Variants in RNF157 observed in about 807,000 individuals in gnomAD.
RNF157 encodes E3 ubiquitin ligase RNF157.
In RNF157, 55 loss-of-function variants were observed where a neutral mutation model predicts 88.3. That is an observed-to-expected ratio of 0.62 (90% confidence interval 0.50 to 0.78). RNF157 has a LOEUF of 0.78. RNF157 is among the 30% of genes least tolerant of loss of function. The pLI is 0.00. For missense variants in RNF157, 788 were observed against 860.8 expected (o/e 0.92, Z 1.06); for synonymous variants, 334 against 341.2 (o/e 0.98, Z 0.23).
Position 76,172,989 on chromosome 17 carries a change from T to C in RNF157, c.296+713A>G, listed in dbSNP as rs368723809. On this transcript the variant is annotated intron_variant, in intron 3 of 18. Transcript: ENST00000269391. ...GAGAACAGACACATGATATAGGGAATAAAAAAGAAAAAGAAGGCTGGGCGC... is the reference window on the plus strand; with the variant it reads ...GAGAACAGACACATGATATAGGGAACAAAAAAGAAAAAGAAGGCTGGGCGC... Among the ~76,000 whole-genome samples, 4 of 151,828 alleles carry C rather than the reference T, an allele frequency of 2.6e-5. No homozygotes were observed. The East Asian group carries it at 5.8e-4, about 22-fold the overall frequency.
In RNF157 at chr17:76,149,430, C is replaced by G. The variant is rs531371708; in HGVS notation, c.1921+2925G>C. Among the ~76,000 whole-genome samples the G allele has an allele frequency of 2.6e-5, 4 of 152,096 alleles. No homozygotes were observed. In the South Asian group the frequency reaches 6.2e-4, roughly 24 times the overall value. On this transcript the variant is annotated intron_variant, in intron 18 of 18. Transcript: ENST00000269391. ...GTGCAGCTGTTCTGACGGGAGAGAG[C>G]TGGCCACAGGAGCAATGAGGCGCCA...
intron 2 of RNF157, among the ~76,000 whole-genome samples, chr17:76,204,726 CT>C (rs2069648581): frequency 6.6e-6 from 1 of 151,846 alleles, no homozygotes. Flanking sequence ...TCTATCTGTA[CT>C]AGAGAAAGAA....
chr17:76,185,594 C>T (rs1011876687), intron 2 of RNF157, among the ~76,000 whole-genome samples: 6 of 151,548 alleles, frequency 4.0e-5, no homozygotes, highest in Admixed American at 6.6e-5. Context: ...CTCAGCCTCC[C>T]GAGTAGCTGG....
chr17:76,145,256 C>A lies in RNF157; in HGVS notation c.2019G>T (p.Val673=), dbSNP rs545031323. The change falls in exon 19 of 19, where the codon GTG becomes GTT. Residue 673 remains valine, a synonymous_variant. Coordinates refer to ENST00000269391, the MANE Select transcript of RNF157 (RefSeq NM_052916.3). ...GGGCTCAGACAGCCAAAGGGCCCCACACACAGGGCCTCGTCTCAGAGTCCT... is the reference window on the plus strand; with the variant it reads ...GGGCTCAGACAGCCAAAGGGCCCCAAACACAGGGCCTCGTCTCAGAGTCCT... ...SLEDSETRPC[V]WGPLAV is the part of the protein sequence containing the mutation. 2.8e-4 allele frequency: 447 copies of A among 1,606,206 alleles called. 7 individuals are homozygous for A. The South Asian group carries it at 4.7e-3, about 17-fold the overall frequency.
chr17:76,182,760 C>CATATATATATATATATATATATATAT (rs377581288), intron 2 of RNF157, among the ~76,000 whole-genome samples: 66 of 93,300 alleles, frequency 7.1e-4, no homozygotes, highest in African/African-American at 3.0e-3. Flanking sequence ...GGCCTCGTCT[C>CATATATATATATATATATATATATAT]ATATATATAT....
At chr17:76,169,710 G>C (rs909347121) in intron 3 of RNF157, among the ~76,000 whole-genome samples, 14 of 151,560 alleles carry the variant, frequency 9.2e-5, no homozygotes, top group African/African-American at 3.4e-4. Flanking sequence ...CTCCCAAGTA[G>C]CTGGGATTAT....
chr17:76,219,286 CTACA>C lies in RNF157; in HGVS notation c.89-6808_89-6805del, dbSNP rs929220434. Among the ~76,000 whole-genome samples the C allele has an allele frequency of 7.4e-4, 112 of 151,722 alleles. 1 individual carries two copies. Among genetic ancestry groups the C allele is most frequent in the African/African-American group, 2.5e-3 (103 of 41,470 alleles). ...TTAAAAAAAGAGCAAACAAAACAGA[CTACA>C]TAAAGACTATATAAATTTTTACATA... On this transcript the variant is annotated intron_variant, in intron 1 of 18. Transcript: ENST00000269391.
chr17:76,217,053 T>TCA (rs1348898891), intron 1 of RNF157, among the ~76,000 whole-genome samples: 2 of 152,238 alleles, frequency 1.3e-5, no homozygotes, highest in African/African-American at 4.8e-5. Flanking sequence ...ACCTGTTCAA[T>TCA]CACTCAATAA....
chr17:76,177,856 CCT>C (rs1279745554), intron 2 of RNF157, among the ~76,000 whole-genome samples: 2 of 152,126 alleles, frequency 1.3e-5, no homozygotes, highest in Admixed American at 6.5e-5. Context: ...TCCAGGGCCT[CCT>C]CTCTGCTGAG....
At position 76,158,398 on chromosome 17, in the gene RNF157, C is replaced by G. The variant is rs767608093; in HGVS notation, c.1408G>C (p.Gly470Arg). Residue 470 changes from glycine to arginine, a missense_variant, in exon 13 of 19, where the codon GGA (glycine) becomes CGA (arginine). Coordinates refer to ENST00000269391, the MANE Select transcript of RNF157 (RefSeq NM_052916.3). Reference sequence around the variant, plus strand: ...AGGAGAGGAATGTCAATTACCTCTCCGAGATGCTGAACCGACGGTCTCTGA... The same window carrying G: ...AGGAGAGGAATGTCAATTACCTCTCGGAGATGCTGAACCGACGGTCTCTGA... ...LSQRPSVQHLGEECGVTPESE... is the reference protein window; with the variant it reads ...LSQRPSVQHLREECGVTPESE... 1 of 1,608,832 alleles carries G rather than the reference C, an allele frequency of 6.2e-7. No individual in the cohort carries two copies. The highest frequency in any genetic ancestry group is 1.3e-5 in the African/African-American group (1 of 74,782).
At chr17:76,175,904 G>T in intron 2 of RNF157, 2 of 492,556 alleles carry the variant, frequency 4.1e-6, no homozygotes, top group Non-Finnish European at 5.3e-6. Flanking sequence ...GATAACTGTG[G>T]CAATGAAACA....
At chr17:76,145,763 G>T (rs2068575604) in intron 18 of RNF157, among the ~76,000 whole-genome samples, 1 of 152,228 alleles carries the variant, frequency 6.6e-6, no homozygotes, top group Non-Finnish European at 1.5e-5. Flanking sequence ...GGGGGGAAGT[G>T]AGAAGACTGT....
chr17:76,196,756 C>T (rs2069484433), intron 2 of RNF157, among the ~76,000 whole-genome samples: 1 of 152,094 alleles, frequency 6.6e-6, no homozygotes, highest in South Asian at 2.1e-4. Context: ...CCACCTGATC[C>T]AAGAGTCTTC....
rs753969237 is a variant in RNF157 at position 76,161,024 on chromosome 17, G to A, written c.1065+511C>T. 1.3e-5 allele frequency among the ~76,000 whole-genome samples: 2 copies of A among 152,116 alleles called. No homozygotes were observed. Among genetic ancestry groups the A allele is most frequent in the African/African-American group, 4.8e-5 (2 of 41,414 alleles). ...AAATAATAATCTCTCCCAGCAGTGCGTTAGTCTAAAGAAAGACAGTATCTG... is the reference window on the plus strand; with the variant it reads ...AAATAATAATCTCTCCCAGCAGTGCATTAGTCTAAAGAAAGACAGTATCTG... On this transcript the variant is annotated intron_variant, in intron 11 of 18. Coordinates refer to ENST00000269391, the MANE Select transcript of RNF157 (RefSeq NM_052916.3). This position sits in a 1 kb window ranked among gnomAD's most constrained non-coding sequence, Gnocchi z 4.6.
intron 2 of RNF157, among the ~76,000 whole-genome samples, chr17:76,194,501 C>T (rs986414185): frequency 2.6e-5 from 4 of 152,168 alleles, no homozygotes; most frequent in Non-Finnish European, 2.9e-5. Flanking sequence ...GAAAGCAGGA[C>T]GCTTCTTAGT....
intron 18 of RNF157, among the ~76,000 whole-genome samples, chr17:76,152,045 T>G (rs2068685904): frequency 6.6e-6 from 1 of 152,190 alleles, no homozygotes; most frequent in African/African-American, 2.4e-5. Flanking sequence ...AAAACAAGAC[T>G]GGGCCACCTG....
In RNF157 at chr17:76,227,988, A is replaced by G. The variant is rs16968746; in HGVS notation, c.88+12165T>C. ...GTATTCCCATTGAATGTCCAGATTT[A>G]ATTAACTGTTTCCCTACTGATAAAC... On this transcript the variant is annotated intron_variant, in intron 1 of 18. Transcript: ENST00000269391. Among the ~76,000 whole-genome samples, 620 of 152,304 alleles carry G rather than the reference A, an allele frequency of 4.1e-3. 4 individuals are homozygous for G. Among genetic ancestry groups the G allele is most frequent in the African/African-American group, 0.014 (583 of 41,546 alleles).
At chr17:76,179,241 A>G (rs901273617) in intron 2 of RNF157, among the ~76,000 whole-genome samples, 1 of 152,136 alleles carries the variant, frequency 6.6e-6, no homozygotes, top group East Asian at 1.9e-4. Context: ...CAAAAAATGT[A>G]GAACTTAGTC....
chr17:76,182,614 G>A (rs1447792181), intron 2 of RNF157, among the ~76,000 whole-genome samples: 1 of 151,228 alleles, frequency 6.6e-6, no homozygotes, highest in East Asian at 1.9e-4. Context: ...TACTCTGTGT[G>A]TAAATTATTA....
Sources: allele counts gnomAD v4.1 joint callset (sites outside exome capture counted in the v4.1 genomes callset), GRCh38; gene constraint gnomAD v4.1.1; non-coding constraint Gnocchi (gnomAD v3.1); transcripts MANE v1.5; gene names NCBI Gene and HGNC (gene_info 2026-07-23, HGNC 2026-07-21).